Variants in MMP20 observed in about 807,000 individuals in gnomAD.
The protein encoded by MMP20 is matrix metallopeptidase 20, also known as matrix metalloproteinase-20.
A neutral mutation model predicts 51.8 loss-of-function variants in MMP20; 50 were observed. That is an observed-to-expected ratio of 0.97 (90% CI 0.77 to 1.22). MMP20 has a LOEUF of 1.22. Among genes scored for constraint, MMP20 ranks in the 50% most tolerant of loss-of-function variants. MMP20 has a pLI of 0.00. For synonymous variants in MMP20, 244 were observed against 216.2 expected (o/e 1.13, Z -1.13); for missense variants, 663 against 601.4 (o/e 1.10, Z -1.07).
intron 8 of MMP20, among the ~76,000 whole-genome samples, chr11:102,592,183 A>T (rs1258202764): frequency 6.6e-6 from 1 of 152,224 alleles, no homozygotes; most frequent in Non-Finnish European, 1.5e-5. Context: ...GAAAGACTTT[A>T]GAGAATCATA....
At chr11:102,598,768 G>C (rs1320386656) in intron 6 of MMP20, among the ~76,000 whole-genome samples, 1 of 152,164 alleles carries the variant, frequency 6.6e-6, no homozygotes, top group Non-Finnish European at 1.5e-5. Flanking sequence ...CTTGATGCAT[G>C]TTGTTGAGCC....
At chr11:102,584,720 A>G (rs1472522842) in intron 8 of MMP20, among the ~76,000 whole-genome samples, 1 of 152,104 alleles carries the variant, frequency 6.6e-6, no homozygotes, top group Non-Finnish European at 1.5e-5. Context: ...ACGAAGATTT[A>G]TCTTACATTT....
rs759872481 is a variant in MMP20 at position 102,593,593 on chromosome 11, G to C, written c.1093C>G (p.Pro365Ala). 44 of 1,613,998 alleles carry C rather than the reference G, an allele frequency of 2.7e-5. No individual in the cohort carries two copies. Among genetic ancestry groups the C allele is most frequent in the Non-Finnish European group, 3.7e-5 (44 of 1,179,944 alleles). ...AATCCTCTTGTTATCCAGTAGTGGG[G>C]ACCTGAAAACAGAAATTAAAGTTTA... The part of the protein sequence containing the change: ...ERGTAYFFKG[P>A]HYWITRGFQM... The change falls in exon 8 of 10, where the codon CCC (proline) becomes GCC (alanine). Residue 365 changes from proline (P) to alanine (A), a missense_variant and splice_region_variant. By Grantham distance (27) the Pro-to-Ala change is conservative (BLOSUM62 -1). Coordinates refer to ENST00000260228, the MANE Select transcript of MMP20 (RefSeq NM_004771.4).
intron 8 of MMP20, among the ~76,000 whole-genome samples, chr11:102,582,930 C>T (rs1316695118): frequency 1.3e-5 from 2 of 152,188 alleles, no homozygotes; most frequent in Non-Finnish European, 2.9e-5. Context: ...TCTTCCTGGG[C>T]AGTCTTATAT....
At chr11:102,587,594 CTG>C (rs1859269354) in intron 8 of MMP20, among the ~76,000 whole-genome samples, 1 of 152,156 alleles carries the variant, frequency 6.6e-6, no homozygotes, top group Non-Finnish European at 1.5e-5. Context: ...CCCTTCATTT[CTG>C]TCAATTACTG....
intron 3 of MMP20, 96 bp downstream of exon 3, chr11:102,611,659 G>T: frequency 6.8e-7 from 1 of 1,460,534 alleles, no homozygotes; most frequent in Non-Finnish European, 9.5e-7. Context: ...CTGTGCGAAG[G>T]AGGAGTGTGT....
At chr11:102,623,381 G>T (rs1259456403) in intron 1 of MMP20, among the ~76,000 whole-genome samples, 1 of 152,198 alleles carries the variant, frequency 6.6e-6, no homozygotes, top group Non-Finnish European at 1.5e-5. Flanking sequence ...TGTCAGATCA[G>T]CAGAGTCATC....
chr11:102,581,141 A>T (rs1591607609), intron 8 of MMP20, among the ~76,000 whole-genome samples: 1 of 151,202 alleles, frequency 6.6e-6, no homozygotes, highest in South Asian at 2.1e-4. Context: ...TGAGGGTAAG[A>T]GACAATTTAC....
chr11:102,609,002 T>C lies in MMP20; in HGVS notation c.746A>G (p.Lys249Arg), dbSNP rs1411464868. The C allele has an allele frequency of 6.2e-7, 1 of 1,614,080 alleles. No homozygotes were observed. Among genetic ancestry groups the C allele is most frequent in the Non-Finnish European group, 8.5e-7 (1 of 1,179,912 alleles). The change falls in exon 5 of 10, where the codon AAG becomes AGG. Residue 249 changes from lysine to arginine, a missense_variant. By Grantham distance (26) the Lys-to-Arg change is conservative (BLOSUM62 2). Coordinates refer to ENST00000260228, the MANE Select transcript of MMP20 (RefSeq NM_004771.4). ...GTGGAATCCATAGGGATTCTTGTAC[T>C]TATAAGTTGGGTACATCAGTGCTGA... ...DPSALMYPTY[K>R]YKNPYGFHLP... is the part of the protein sequence containing the mutation.
chr11:102,600,727 T>C (rs575074884), intron 6 of MMP20, among the ~76,000 whole-genome samples: 22 of 152,206 alleles, frequency 1.4e-4, no homozygotes, highest in Non-Finnish European at 2.4e-4. Flanking sequence ...CCTCCAGTGA[T>C]CCACTCGCCG....
intron 3 of MMP20, 95 bp from the exon 4 acceptor site, chr11:102,610,125 T>C: frequency 7.4e-7 from 1 of 1,353,428 alleles, no homozygotes; most frequent in East Asian, 2.4e-5. Context: ...TTGAGTAGCA[T>C]TGACACTTAA....
rs189658274 is a variant in MMP20, at chr11:102,594,800, A to G, written c.954-43T>C. The G allele has an allele frequency of 1.8e-4, 280 of 1,595,714 alleles. No homozygotes were observed. The African/African-American group carries it at 3.3e-3, about 19-fold the overall frequency. On this transcript the variant is annotated intron_variant, in intron 6 of 9. Coordinates refer to ENST00000260228, the MANE Select transcript of MMP20 (RefSeq NM_004771.4). The stretch of plus-strand genomic sequence containing the variant: ...AAAAAAAAAAAAAAAAATCAAGATC[A>G]ATGATTGATTTACATATAAAATTGC...
Position 102,579,062 on chromosome 11 carries a change from A to T in MMP20, c.1328T>A (p.Ile443Asn). 6.2e-7 allele frequency: 1 copy of T among 1,612,682 alleles called. No individual in the cohort carries two copies. The change falls in exon 9 of 10, where the codon ATC becomes AAC. Residue 443 changes from isoleucine to asparagine, a missense_variant. Coordinates refer to ENST00000260228, the MANE Select transcript of MMP20 (RefSeq NM_004771.4). Reference protein sequence around the residue: ...EEEFSGVNGQIDAAVELNGYI... With the variant: ...EEEFSGVNGQNDAAVELNGYI... Reference sequence around the variant, plus strand: ...ACCATTTAATTCTACAGCAGCATCGATTTGGCCATTTACTCCTGAAAATTC... The same window carrying T: ...ACCATTTAATTCTACAGCAGCATCGTTTTGGCCATTTACTCCTGAAAATTC...
At chr11:102,578,166 C>G (rs902414948) in intron 9 of MMP20, among the ~76,000 whole-genome samples, 3 of 148,012 alleles carry the variant, frequency 2.0e-5, no homozygotes, top group African/African-American at 7.5e-5. Context: ...TTTTTTGAGA[C>G]AGGGTATCAC....
At chr11:102,588,670 C>T (rs1344148962) in intron 8 of MMP20, among the ~76,000 whole-genome samples, 1 of 152,156 alleles carries the variant, frequency 6.6e-6, no homozygotes, top group African/African-American at 2.4e-5. Context: ...TACATAATTA[C>T]ACTTACTACT....
chr11:102,587,924 G>A (rs376714541), intron 8 of MMP20, among the ~76,000 whole-genome samples: 29 of 152,004 alleles, frequency 1.9e-4, no homozygotes, highest in East Asian at 3.9e-4. Context: ...TTGATTAGAC[G>A]GTTTAATCTA....
chr11:102,582,675 T>G (rs900245818), intron 8 of MMP20, among the ~76,000 whole-genome samples: 1 of 152,158 alleles, frequency 6.6e-6, no homozygotes, highest in Non-Finnish European at 1.5e-5. Flanking sequence ...GAGGAGATTC[T>G]GGGACAAATA....
intron 8 of MMP20, among the ~76,000 whole-genome samples, chr11:102,592,633 T>C: frequency 6.6e-6 from 1 of 152,246 alleles, no homozygotes; most frequent in South Asian, 2.1e-4. Flanking sequence ...TTCAAGACCC[T>C]TTCATGAGCC....
intron 8 of MMP20, among the ~76,000 whole-genome samples, chr11:102,587,094 T>TC (rs1202585516): frequency 2.6e-5 from 4 of 152,174 alleles, no homozygotes; most frequent in Admixed American, 2.6e-4. Flanking sequence ...ATAGCTATAA[T>TC]TTTTTTCTCT....
Sources: allele counts gnomAD v4.1 joint callset (sites outside exome capture counted in the v4.1 genomes callset), GRCh38; gene constraint gnomAD v4.1.1; transcripts MANE v1.5; gene names NCBI Gene and HGNC (gene_info 2026-07-23, HGNC 2026-07-21).